The following PIK3R3 variants were observed in gnomAD, a reference collection of about 807,000 sequenced individuals.
PIK3R3 encodes phosphatidylinositol 3-kinase regulatory subunit gamma.
A neutral mutation model predicts 62.9 loss-of-function variants in PIK3R3; 64 were observed. That is an observed-to-expected ratio of 1.02 (90% CI 0.83 to 1.25). The LOEUF (loss-of-function observed/expected upper bound fraction) is 1.25. PIK3R3 is among the 50% of genes most tolerant of loss of function. The pLI, the probability that PIK3R3 is intolerant of heterozygous loss-of-function variation, is 0.00. For missense variants in PIK3R3, 614 were observed against 561.6 expected (o/e 1.09, Z -0.94); for synonymous variants, 165 against 189.0 (o/e 0.87, Z 1.04).
At chr1:46,154,910 C>A in the PIK3R3 span, among the ~76,000 whole-genome samples, 1 of 152,184 alleles carries the variant, frequency 6.6e-6, no homozygotes, top group Non-Finnish European at 1.5e-5. Context: ...CAGTGCTAGC[C>A]AAAGAAGCCC....
intron 6 of PIK3R3, among the ~76,000 whole-genome samples, chr1:46,058,858 G>A (rs549761996): frequency 1.3e-5 from 2 of 152,280 alleles, no homozygotes; most frequent in Admixed American, 6.5e-5. Flanking sequence ...AAGACTTTGG[G>A]GGACTGTTGG....
intron 1 of PIK3R3, among the ~76,000 whole-genome samples, chr1:46,103,657 C>T (rs751014339): frequency 6.6e-5 from 10 of 152,074 alleles, no homozygotes; most frequent in East Asian, 1.9e-4. Flanking sequence ...TGCAATAGCA[C>T]GATCTCGGCT....
upstream of PIK3R3, among the ~76,000 whole-genome samples, chr1:46,133,213 GAAAA>G (rs953323880): frequency 3.3e-5 from 5 of 151,908 alleles, no homozygotes; most frequent in African/African-American, 1.2e-4. Context: ...AAAAGAGGAG[GAAAA>G]AAAAGAAAGA....
At chr1:46,154,943 T>C in the PIK3R3 span, among the ~76,000 whole-genome samples, 1 of 152,256 alleles carries the variant, frequency 6.6e-6, no homozygotes, top group Admixed American at 6.5e-5. Flanking sequence ...CTTTTATTCC[T>C]ATTTTAATGT....
intron 3 of PIK3R3, among the ~76,000 whole-genome samples, chr1:46,069,517 T>G (rs1444858695): frequency 7.0e-6 from 1 of 143,728 alleles, no homozygotes; most frequent in Admixed American, 7.1e-5. Flanking sequence ...AGATGCCATC[T>G]CAAAAAAAAA....
At chr1:46,099,318 T>C (rs867426531) in intron 1 of PIK3R3, among the ~76,000 whole-genome samples, 1 of 152,194 alleles carries the variant, frequency 6.6e-6, no homozygotes, top group Non-Finnish European at 1.5e-5. Context: ...TTCAACCTAG[T>C]ACAATTTTTT....
At chr1:46,162,867 C>T in the PIK3R3 span, among the ~76,000 whole-genome samples, 4 of 152,220 alleles carry the variant, frequency 2.6e-5, no homozygotes, top group African/African-American at 9.6e-5. Context: ...AAGTGATCCA[C>T]CCACCTCAGC....
At chr1:46,146,451 C>G in the PIK3R3 span, among the ~76,000 whole-genome samples, 1 of 152,260 alleles carries the variant, frequency 6.6e-6, no homozygotes, top group South Asian at 2.1e-4. Context: ...TTTATTCTTG[C>G]ATCTTCTGGC....
chr1:46,130,420 T>C (rs2149479645), intron 1 of PIK3R3, among the ~76,000 whole-genome samples: 2 of 152,292 alleles, frequency 1.3e-5, no homozygotes, highest in East Asian at 1.9e-4. Flanking sequence ...ACTGAAAAGC[T>C]GCATCTGGAT....
intron 1 of PIK3R3, among the ~76,000 whole-genome samples, chr1:46,129,743 G>A (rs1655416183): frequency 6.6e-6 from 1 of 152,120 alleles, no homozygotes; most frequent in Non-Finnish European, 1.5e-5. Flanking sequence ...CTATTTCCAT[G>A]AAAAACCATT....
At chr1:46,103,120 A>T (rs964979642) in intron 1 of PIK3R3, among the ~76,000 whole-genome samples, 2 of 152,188 alleles carry the variant, frequency 1.3e-5, no homozygotes, top group Admixed American at 1.3e-4. Flanking sequence ...AAGTAGACAA[A>T]ATCATAGAAA....
the PIK3R3 span, among the ~76,000 whole-genome samples, chr1:46,148,447 T>C: frequency 1.3e-5 from 2 of 152,338 alleles, no homozygotes; most frequent in South Asian, 2.1e-4. Context: ...CTAGCAACTC[T>C]TTCCAGCAGA....
Position 46,101,753 on chromosome 1 carries a change from T to C in PIK3R3, c.107-21003A>G, listed in dbSNP as rs188654229. On this transcript the variant is annotated intron_variant, in intron 1 of 9. Transcript: ENST00000262741. ...AGAATAGGCAAATTCATACAGGAAGTTGAACAGAATTTACCAGGAGCTGAA... is the reference window on the plus strand; with the variant it reads ...AGAATAGGCAAATTCATACAGGAAGCTGAACAGAATTTACCAGGAGCTGAA... Among the ~76,000 whole-genome samples, 6 of 152,168 alleles carry C rather than the reference T, an allele frequency of 3.9e-5. No individual in the cohort carries two copies. The East Asian group carries it at 9.6e-4, about 24-fold the overall frequency.
chr1:46,070,286 A>G (rs1649368311), intron 3 of PIK3R3, among the ~76,000 whole-genome samples: 1 of 152,200 alleles, frequency 6.6e-6, no homozygotes. Flanking sequence ...CAAACAGAGA[A>G]GCAGACCCTG....
chr1:46,144,914 G>C, the PIK3R3 span, among the ~76,000 whole-genome samples: 3 of 151,700 alleles, frequency 2.0e-5, no homozygotes, highest in African/African-American at 7.3e-5. Flanking sequence ...CACCGAGGTC[G>C]GGAGTTTGAG....
chr1:46,163,581 C>T, the PIK3R3 span, among the ~76,000 whole-genome samples: 2 of 152,184 alleles, frequency 1.3e-5, no homozygotes, highest in Non-Finnish European at 2.9e-5. Context: ...CAAGATGATG[C>T]TTCTAGGACA....
chr1:46,086,256 G>T (rs1651043940), intron 1 of PIK3R3, among the ~76,000 whole-genome samples: 1 of 152,134 alleles, frequency 6.6e-6, no homozygotes, highest in African/African-American at 2.4e-5. Context: ...AACACTGTAG[G>T]TATGTATGTA....
chr1:46,121,511 C>T (rs189543251), intron 1 of PIK3R3, among the ~76,000 whole-genome samples: 128 of 151,998 alleles, frequency 8.4e-4, no homozygotes, highest in African/African-American at 2.8e-3. Context: ...TAAATAAATA[C>T]GGGTTGGGCA....
At chr1:46,055,095 G>A (rs937598500) in intron 7 of PIK3R3, among the ~76,000 whole-genome samples, 7 of 147,152 alleles carry the variant, frequency 4.8e-5, no homozygotes, top group Admixed American at 2.1e-4. Context: ...GTACAGACAG[G>A]GTTTCACCAT....
Sources: allele counts gnomAD v4.1 joint callset (sites outside exome capture counted in the v4.1 genomes callset), GRCh38; gene constraint gnomAD v4.1.1; transcripts MANE v1.5; gene names NCBI Gene and HGNC (gene_info 2026-07-23, HGNC 2026-07-21).